Variants in NCOA3 observed in about 807,000 individuals in gnomAD.
NCOA3 encodes CBP-interacting protein.
NCOA3 carries 51 observed loss-of-function variants against 158.8 expected under a neutral mutation model. The observed-to-expected ratio is 0.32, with a 90% CI of 0.26 to 0.41. NCOA3 has a LOEUF of 0.41. Ranked by LOEUF, NCOA3 falls within the 10% of genes least tolerant of loss-of-function variation. The pLI, the probability that NCOA3 is intolerant of heterozygous loss-of-function variation, is 1.00. For missense variants in NCOA3, 1,510 were observed against 1,746.6 expected (o/e 0.86, Z 2.41); for synonymous variants, 537 against 592.4 (o/e 0.91, Z 1.36).
chr20:47,519,349 T>C (rs907450801), intron 1 of NCOA3, among the ~76,000 whole-genome samples: 2 of 150,750 alleles, frequency 1.3e-5, no homozygotes, highest in Admixed American at 1.3e-4. Context: ...GGAGAATTGC[T>C]TGAACCTGGG....
intron 1 of NCOA3, among the ~76,000 whole-genome samples, chr20:47,543,597 C>T (rs2084779651): frequency 6.6e-6 from 1 of 151,280 alleles, no homozygotes; most frequent in Non-Finnish European, 1.5e-5. Flanking sequence ...GCAACCTCCA[C>T]CTCCTGGGTT....
intron 1 of NCOA3, among the ~76,000 whole-genome samples, chr20:47,526,335 T>C (rs79196661): frequency 1.3e-5 from 2 of 148,772 alleles, no homozygotes; most frequent in South Asian, 2.2e-4. Flanking sequence ...CAGGCGGAGA[T>C]GCTCCTCACT....
chr20:47,511,241 T>C (rs1322586978), intron 1 of NCOA3, among the ~76,000 whole-genome samples: 1 of 149,390 alleles, frequency 6.7e-6, no homozygotes, highest in African/African-American at 2.5e-5. Flanking sequence ...AACATTTTCT[T>C]TCTTTCTTTC....
chr20:47,543,689 T>C (rs909951831), intron 1 of NCOA3, among the ~76,000 whole-genome samples: 7 of 152,126 alleles, frequency 4.6e-5, no homozygotes, highest in Non-Finnish European at 7.4e-5. Flanking sequence ...TTTGTGCTTT[T>C]AGTGTAGACG....
intron 1 of NCOA3, among the ~76,000 whole-genome samples, chr20:47,547,980 C>T (rs1353193309): frequency 6.6e-6 from 1 of 151,732 alleles, no homozygotes; most frequent in African/African-American, 2.4e-5. Flanking sequence ...ATCCACCTGC[C>T]TCGACCTCCC....
rs182968707 is a variant in NCOA3, at chr20:47,610,472, A to G, written c.-19-11757A>G. Among the ~76,000 whole-genome samples the G allele has an allele frequency of 2.3e-4, 35 of 152,326 alleles. 1 individual carries two copies. The highest frequency in any genetic ancestry group is 8.2e-4 in the African/African-American group (34 of 41,588). ...TGGGCTCAAGCAATCCTCTTGCCCC[A>G]GCCTCCCAAAGCGTTGGGATTACAG... On this transcript the variant is annotated intron_variant, in intron 2 of 22. Coordinates refer to ENST00000371998, the MANE Select transcript of NCOA3 (RefSeq NM_181659.3).
intron 4 of NCOA3, among the ~76,000 whole-genome samples, chr20:47,625,020 G>A (rs529723882): frequency 2.6e-5 from 4 of 152,196 alleles, no homozygotes; most frequent in East Asian, 3.9e-4. Context: ...TGATCCACCC[G>A]CCTCAGCCTC....
At chr20:47,637,355 A>G (rs916078404) in intron 12 of NCOA3, among the ~76,000 whole-genome samples, 10 of 152,200 alleles carry the variant, frequency 6.6e-5, no homozygotes, top group Admixed American at 3.3e-4. Flanking sequence ...CTAATTATCA[A>G]TGCACTGCTA....
rs10626049 is a variant in NCOA3 at position 47,574,488 on chromosome 20, A to ATTT, written c.-98-8683_-98-8681dup. 3.2e-3 allele frequency among the ~76,000 whole-genome samples: 456 copies of ATTT among 144,084 alleles called. 3 individuals are homozygous for ATTT. Among genetic ancestry groups the ATTT allele is most frequent in the Middle Eastern group, 0.011 (3 of 276 alleles). The allele number at this position is 144,084 out of a possible 152,430, so 94.5% of individuals were successfully genotyped here. ...TCTAGTTGCTACTATGTATATTTTGATTTTTTTTTTTTTTAGCACAGAGGC... is the reference window on the plus strand; with the variant it reads ...TCTAGTTGCTACTATGTATATTTTGATTTTTTTTTTTTTTTTTAGCACAGAGGC... On this transcript the variant is annotated intron_variant, in intron 1 of 22. Coordinates refer to ENST00000371998, the MANE Select transcript of NCOA3 (RefSeq NM_181659.3).
intron 1 of NCOA3, among the ~76,000 whole-genome samples, chr20:47,503,478 CAA>C (rs1342142601): frequency 6.6e-6 from 1 of 152,164 alleles, no homozygotes; most frequent in Non-Finnish European, 1.5e-5. Context: ...TTCTCAGAGG[CAA>C]AGACTGTTAC....
chr20:47,524,811 C>T (rs1404366111), intron 1 of NCOA3, among the ~76,000 whole-genome samples: 1 of 152,186 alleles, frequency 6.6e-6, no homozygotes, highest in African/African-American at 2.4e-5. Context: ...GGCACAATCT[C>T]GGCTCCCTGC....
chr20:47,579,242 G>T (rs182747755), intron 1 of NCOA3, among the ~76,000 whole-genome samples: 1 of 152,192 alleles, frequency 6.6e-6, no homozygotes, highest in South Asian at 2.1e-4. Context: ...AGTAGCTGGC[G>T]TTACAGGTGT....
intron 1 of NCOA3, among the ~76,000 whole-genome samples, chr20:47,561,624 T>A (rs2146181861): frequency 6.6e-6 from 1 of 152,250 alleles, no homozygotes; most frequent in Admixed American, 6.5e-5. Context: ...TCGCTTAGGC[T>A]ATTTTTTTAA....
chr20:47,577,233 C>A (rs2085386276), intron 1 of NCOA3, among the ~76,000 whole-genome samples: 3 of 152,070 alleles, frequency 2.0e-5, no homozygotes, highest in African/African-American at 7.2e-5. Flanking sequence ...TCCTGTATCC[C>A]TATGTAATTT....
chr20:47,540,573 C>CAA (rs3091666), intron 1 of NCOA3, among the ~76,000 whole-genome samples: 1 of 139,278 alleles, frequency 7.2e-6, no homozygotes, highest in Non-Finnish European at 1.6e-5. Flanking sequence ...ACTCTTGTCT[C>CAA]AAAAAAAAAA....
At chr20:47,556,530 T>C (rs1213052935) in intron 1 of NCOA3, among the ~76,000 whole-genome samples, 1 of 152,156 alleles carries the variant, frequency 6.6e-6, no homozygotes, top group Non-Finnish European at 1.5e-5. Flanking sequence ...TCTTTTCCCC[T>C]TTTTTTGTTT....
intron 1 of NCOA3, among the ~76,000 whole-genome samples, chr20:47,572,386 A>T (rs2085307524): frequency 6.6e-6 from 1 of 152,040 alleles, no homozygotes; most frequent in South Asian, 2.1e-4. Context: ...TCTGGGCCAT[A>T]TGAACGAGAC....
chr20:47,628,697 C>T (rs1456504474), intron 8 of NCOA3: 1 of 152,100 alleles, frequency 6.6e-6, no homozygotes, highest in Non-Finnish European at 1.5e-5. Context: ...CAGTTGTGAG[C>T]CACTGTGCTT....
chr20:47,505,566 T>G (rs1050016549), intron 1 of NCOA3, among the ~76,000 whole-genome samples: 3 of 152,142 alleles, frequency 2.0e-5, no homozygotes, highest in African/African-American at 7.2e-5. Flanking sequence ...TGATCATGAT[T>G]GAAGAGATTA....
Sources: allele counts gnomAD v4.1 joint callset (sites outside exome capture counted in the v4.1 genomes callset), GRCh38; gene constraint gnomAD v4.1.1; transcripts MANE v1.5; gene names NCBI Gene and HGNC (gene_info 2026-07-23, HGNC 2026-07-21).